BTD: variants seen among roughly 807,000 people sequenced by gnomAD.
BTD encodes biocytinase.
Under a neutral mutation model 17.7 loss-of-function variants are expected in BTD, and 13 were observed. The ratio of observed to expected loss-of-function variants is 0.74; its 90% confidence interval spans 0.48 to 1.17. The LOEUF is 1.17. BTD is among the 50% of genes most tolerant of loss of function. The probability of loss-of-function intolerance (pLI) is 0.00; values close to 1 mark genes in which losing one functional copy is unlikely to be tolerated. For missense variants in BTD, 674 were observed against 650.4 expected (o/e 1.04, Z -0.39); for synonymous variants, 240 against 245.2 (o/e 0.98, Z 0.20).
At chr3:15,620,337 A>T (rs938869590) in intron 1 of BTD, among the ~76,000 whole-genome samples, 1 of 152,154 alleles carries the variant, frequency 6.6e-6, no homozygotes, top group Non-Finnish European at 1.5e-5. Flanking sequence ...CCAGGAGCGC[A>T]TTCCTTTCCC....
intron 1 of BTD, among the ~76,000 whole-genome samples, chr3:15,603,892 T>C (rs1010487732): frequency 2.0e-5 from 3 of 152,232 alleles, no homozygotes; most frequent in Admixed American, 6.5e-5. Context: ...AGCCAGATCA[T>C]GCTGATGCAA....
intron 1 of BTD, among the ~76,000 whole-genome samples, chr3:15,614,795 C>T (rs984980999): frequency 3.3e-5 from 5 of 151,646 alleles, no homozygotes; most frequent in African/African-American, 1.2e-4. Context: ...TGGGGTTTTG[C>T]CATGTTGCCC....
At chr3:15,617,356 A>G (rs4626087) in intron 1 of BTD, among the ~76,000 whole-genome samples, 6,561 of 152,320 alleles carry the variant, frequency 0.043, 407 homozygotes, top group African/African-American at 0.14. Flanking sequence ...CCAACACAAG[A>G]TCATCTAGCT....
exon 4 of BTD, chr3:15,711,176 C>G (rs370867920): frequency 7.1e-6 from 11 of 1,552,432 alleles, no homozygotes; most frequent in Non-Finnish European, 9.7e-6. Context: ...GACCAGCTAT[C>G]TTTTCTTAAA....
intron 1 of BTD, 42 bp downstream of exon 1, chr3:15,601,936 G>A (rs747688941): frequency 1.4e-5 from 23 of 1,611,418 alleles, no homozygotes; most frequent in Non-Finnish European, 1.8e-5. Context: ...GGTGTGGTAA[G>A]GGCGTGCGGT....
chr3:15,661,265 C>CAAAAAAAA (rs56165902), intron 3 of BTD, among the ~76,000 whole-genome samples: 37 of 93,752 alleles, frequency 3.9e-4, no homozygotes, highest in African/African-American at 5.4e-4. Context: ...GACTCTGTCT[C>CAAAAAAAA]AAAAAAAAAA....
At chr3:15,605,392 C>T (rs1472710756) in intron 1 of BTD, among the ~76,000 whole-genome samples, 10 of 152,158 alleles carry the variant, frequency 6.6e-5, no homozygotes, top group Non-Finnish European at 2.9e-5. Context: ...ATTCAGTTAC[C>T]TCCCACCAGG....
chr3:15,679,798 G>A (rs1213607610), intron 3 of BTD, among the ~76,000 whole-genome samples: 3 of 151,826 alleles, frequency 2.0e-5, no homozygotes, highest in Non-Finnish European at 4.4e-5. Flanking sequence ...CTGTATCCGT[G>A]GGTTCTGCAT....
chr3:15,684,715 TAA>T (rs1334231457), intron 3 of BTD: 11 of 130,286 alleles, frequency 8.4e-5, no homozygotes, highest in South Asian at 2.4e-4. Flanking sequence ...GTGGGACTCT[TAA>T]AAAAAAAAAA....
At chr3:15,715,189 G>A (rs1392366825), downstream of BTD, among the ~76,000 whole-genome samples, 2 of 152,132 alleles carry the variant, frequency 1.3e-5, no homozygotes, top group Non-Finnish European at 2.9e-5. Flanking sequence ...TTCCAAATAT[G>A]AAGAAAAACA....
At chr3:15,666,891 C>A (rs778760703) in intron 3 of BTD, among the ~76,000 whole-genome samples, 39 of 152,324 alleles carry the variant, frequency 2.6e-4, no homozygotes, top group Non-Finnish European at 4.0e-4. Flanking sequence ...TCTTCCCTCC[C>A]AATGTGATCT....
downstream of BTD, among the ~76,000 whole-genome samples, chr3:15,717,713 T>C (rs1287862663): frequency 1.3e-5 from 2 of 152,110 alleles, no homozygotes; most frequent in African/African-American, 2.4e-5. Flanking sequence ...TAAAGAACAA[T>C]GTGGGTGGGA....
At position 15,645,357 on chromosome 3, in the gene BTD, A is replaced by G; in HGVS notation, c.1441A>G (p.Thr481Ala). Residue 481 changes from threonine (T) to alanine (A), a missense_variant, in exon 4 of 4, where the codon ACC (threonine) becomes GCC (alanine). Coordinates refer to ENST00000643237, the MANE Select transcript of BTD (RefSeq NM_001370658.1). ...TTCCTATATCTTTCCTTTGTTTCTG[A>G]CCTCAGGGATGACCCTAGAAGTCCC... ...STSYIFPLFLTSGMTLEVPDQ... is the reference protein window; with the variant it reads ...STSYIFPLFLASGMTLEVPDQ... The G allele has an allele frequency of 1.2e-6, 2 of 1,614,068 alleles. No homozygotes were observed. Among genetic ancestry groups the G allele is most frequent in the African/African-American group, 1.3e-5 (1 of 75,008 alleles).
chr3:15,685,231 T>C (rs1047992781), intron 3 of BTD: 1 of 1,613,774 alleles, frequency 6.2e-7, no homozygotes, highest in African/African-American at 1.3e-5. Context: ...TTAACCATTG[T>C]AGCAAGCCCA....
chr3:15,713,711 T>C, downstream of BTD: 5 of 971,662 alleles, frequency 5.1e-6, no homozygotes, highest in Non-Finnish European at 7.5e-6. Context: ...ACATGAAAAG[T>C]AATAAAAAAT....
At chr3:15,644,198 C>A in intron 3 of BTD, 118 bp from the exon 4 acceptor site, 1 of 1,035,438 alleles carries the variant, frequency 9.7e-7, no homozygotes. Context: ...GATGGGGTTT[C>A]ACCGTGTTAG....
chr3:15,691,240 C>T (rs1018154118), intron 3 of BTD, among the ~76,000 whole-genome samples: 3 of 151,976 alleles, frequency 2.0e-5, no homozygotes, highest in African/African-American at 7.3e-5. Flanking sequence ...TCTCCTGTCT[C>T]AGTCTCCCGA....
At chr3:15,634,650 A>T (rs1575012243) in intron 1 of BTD, among the ~76,000 whole-genome samples, 1 of 152,174 alleles carries the variant, frequency 6.6e-6, no homozygotes, top group East Asian at 1.9e-4. Flanking sequence ...TCACTGCAAA[A>T]AGGATTTTAT....
intron 3 of BTD, among the ~76,000 whole-genome samples, chr3:15,666,326 A>G (rs111883525): frequency 1.6e-4 from 25 of 152,332 alleles, no homozygotes; most frequent in African/African-American, 6.0e-4. Flanking sequence ...AGCACCGACA[A>G]TGGACATGAC....
Sources: gnomAD v4.1 joint callset for allele counts (sites outside exome capture counted in the v4.1 genomes callset) on GRCh38, gnomAD v4.1.1 for gene constraint, MANE v1.5 for transcripts, NCBI Gene and HGNC (gene_info 2026-07-23, HGNC 2026-07-21) for gene names.